ADAM10: variants seen among roughly 807,000 people sequenced by gnomAD.
ADAM10 encodes ADAM metallopeptidase domain 10.
In ADAM10, 17 loss-of-function variants were observed where a neutral mutation model predicts 90.1. The ratio of observed to expected loss-of-function variants is 0.19; its 90% CI spans 0.13 to 0.28. ADAM10 has a LOEUF of 0.28. Ranked by LOEUF, ADAM10 falls within the 10% of genes least tolerant of loss-of-function variation. The pLI is 1.00. For synonymous variants in ADAM10, 310 were observed against 298.6 expected (o/e 1.04, Z -0.40); for missense variants, 610 against 914.3 (o/e 0.67, Z 4.29).
rs986944636 is a variant in ADAM10, at chr15:58,593,920, C to G, written c.*3627G>C. 2 of 152,032 alleles carry G rather than the reference C, an allele frequency of 1.3e-5. No individual in the cohort carries two copies. Among genetic ancestry groups the G allele is most frequent in the Non-Finnish European group, 2.9e-5 (2 of 67,992 alleles). 9.4% of individuals were successfully genotyped at this position (152,032 alleles called of 1,614,324 possible). ...TCCTAATCATATAAAGAGTTGAATA[C>G]AGAAACAATAGTGAAAAAACTAAAC... On this transcript the variant is annotated 3_prime_UTR_variant, in exon 16 of 16. Transcript: ENST00000260408.
At chr15:58,708,548 A>T (rs1465772360) in intron 2 of ADAM10, among the ~76,000 whole-genome samples, 2 of 152,180 alleles carry the variant, frequency 1.3e-5, no homozygotes, top group African/African-American at 2.4e-5. Flanking sequence ...CTATGGTCCC[A>T]GCTACTCAGG....
intron 2 of ADAM10, among the ~76,000 whole-genome samples, chr15:58,698,043 T>C (rs1898024658): frequency 6.6e-6 from 1 of 151,994 alleles, no homozygotes; most frequent in Admixed American, 6.6e-5. Flanking sequence ...AGAAAGCGAA[T>C]TCAAAAAACT....
intron 2 of ADAM10, among the ~76,000 whole-genome samples, chr15:58,706,772 A>T (rs1269390920): frequency 6.6e-6 from 1 of 152,130 alleles, no homozygotes; most frequent in Admixed American, 6.5e-5. Context: ...GAACTTTGGG[A>T]GGCCAAGGCA....
chr15:58,599,315 AT>A (rs199607609), intron 15 of ADAM10, among the ~76,000 whole-genome samples: 1 of 148,478 alleles, frequency 6.7e-6, no homozygotes, highest in African/African-American at 2.6e-5. Flanking sequence ...GTTAGAATAT[AT>A]TTAAAAAAAA....
At chr15:58,734,345 A>T (rs992649878) in intron 1 of ADAM10, among the ~76,000 whole-genome samples, 1 of 152,222 alleles carries the variant, frequency 6.6e-6, no homozygotes, top group Non-Finnish European at 1.5e-5. Flanking sequence ...GGTTTGAGTG[A>T]TATGTAACAA....
intron 2 of ADAM10, among the ~76,000 whole-genome samples, chr15:58,705,669 A>G (rs1327574050): frequency 2.0e-5 from 3 of 152,218 alleles, no homozygotes; most frequent in African/African-American, 7.2e-5. Flanking sequence ...TCATTCCATA[A>G]GTTTTCAGGA....
At chr15:58,608,460 T>G (rs1462468265) in intron 14 of ADAM10, among the ~76,000 whole-genome samples, 1 of 152,216 alleles carries the variant, frequency 6.6e-6, no homozygotes, top group Non-Finnish European at 1.5e-5. Context: ...ATCTTACTGC[T>G]TGATGTGGTT....
At chr15:58,744,598 TAAC>T (rs1332510367) in intron 1 of ADAM10, among the ~76,000 whole-genome samples, 1 of 152,218 alleles carries the variant, frequency 6.6e-6, no homozygotes, top group Non-Finnish European at 1.5e-5. Context: ...GAACCCAGAA[TAAC>T]AACTGTTCTC....
At position 58,624,313 on chromosome 15, in the gene ADAM10, A is replaced by C. The variant is rs533290952; in HGVS notation, c.1361-2692T>G. The stretch of plus-strand genomic sequence containing the variant: ...AAAAAAGCAAAAACAAAAACAAAAA[A>C]AACTAGAAACATGCATCTGCACATA... On this transcript the variant is annotated intron_variant, in intron 10 of 15. Transcript: ENST00000260408. 2.0e-5 allele frequency among the ~76,000 whole-genome samples: 3 copies of C among 152,146 alleles called. No individual in the cohort carries two copies. The East Asian group carries it at 5.8e-4, about 29-fold the overall frequency.
intron 5 of ADAM10, chr15:58,655,193 T>C (rs1431105387): frequency 6.6e-6 from 1 of 152,200 alleles, no homozygotes; most frequent in African/African-American, 2.4e-5. Context: ...TGGGTGCATA[T>C]ACGTATTAGG....
At chr15:58,608,354 G>A (rs914192514) in intron 14 of ADAM10, among the ~76,000 whole-genome samples, 57 of 152,170 alleles carry the variant, frequency 3.7e-4, no homozygotes, top group Non-Finnish European at 7.2e-4. Context: ...TTACTAACTG[G>A]AAGGGCACTT....
intron 4 of ADAM10, among the ~76,000 whole-genome samples, chr15:58,669,275 C>T (rs1897143459): frequency 6.6e-6 from 1 of 152,166 alleles, no homozygotes; most frequent in Non-Finnish European, 1.5e-5. Flanking sequence ...TTATTAAACA[C>T]TGGTTGAATT....
chr15:58,742,319 A>G (rs140320424), intron 1 of ADAM10, among the ~76,000 whole-genome samples: 229 of 152,330 alleles, frequency 1.5e-3, no homozygotes, highest in Non-Finnish European at 1.9e-3. Flanking sequence ...ATAACCCCAC[A>G]TTAAGTGGAG....
chr15:58,650,527 A>G (rs1199281466), intron 5 of ADAM10, among the ~76,000 whole-genome samples: 1 of 152,072 alleles, frequency 6.6e-6, no homozygotes, highest in Non-Finnish European at 1.5e-5. Context: ...GATCCTAAAC[A>G]ATATTTTCAT....
chr15:58,620,692 C>T (rs1210747915), intron 11 of ADAM10, among the ~76,000 whole-genome samples: 1 of 31,938 alleles, frequency 3.1e-5, no homozygotes, highest in Non-Finnish European at 4.1e-5. Flanking sequence ...GACGGAGTCT[C>T]GCTCTGTCGC....
At position 58,632,563 on chromosome 15, in the gene ADAM10, T is replaced by C. The variant is rs545322306; in HGVS notation, c.1176+633A>G. ...AACACTGCCCCTGAAGCCTAAAATG[T>C]TTACTAGTAGGCCCTTTACAGAAAA... On this transcript the variant is annotated intron_variant, in intron 9 of 15. Coordinates refer to ENST00000260408, the MANE Select transcript of ADAM10 (RefSeq NM_001110.4). 3.2e-4 allele frequency among the ~76,000 whole-genome samples: 49 copies of C among 152,296 alleles called. 1 individual carries two copies. The highest frequency in any genetic ancestry group is 1.1e-3 in the African/African-American group (47 of 41,576).
chr15:58,702,728 C>T (rs540017711), intron 2 of ADAM10, among the ~76,000 whole-genome samples: 1 of 152,260 alleles, frequency 6.6e-6, no homozygotes, highest in South Asian at 2.1e-4. Context: ...AGTAGCAGTG[C>T]AGATAATTTA....
intron 1 of ADAM10, among the ~76,000 whole-genome samples, chr15:58,718,831 T>C (rs1238306935): frequency 6.6e-6 from 1 of 152,194 alleles, no homozygotes; most frequent in Non-Finnish European, 1.5e-5. Context: ...ATTCTGTCTG[T>C]GAACTCCAGC....
intron 4 of ADAM10, among the ~76,000 whole-genome samples, chr15:58,671,553 A>G (rs1437824479): frequency 6.6e-6 from 1 of 152,172 alleles, no homozygotes; most frequent in African/African-American, 2.4e-5. Flanking sequence ...TATTTCTTCT[A>G]GTTTTTCTGT....
Sources: gnomAD v4.1 joint callset for allele counts (sites outside exome capture counted in the v4.1 genomes callset) on GRCh38, gnomAD v4.1.1 for gene constraint, MANE v1.5 for transcripts, NCBI Gene and HGNC (gene_info 2026-07-23, HGNC 2026-07-21) for gene names.